Variants in ACSL1 observed in about 807,000 individuals in gnomAD.
ACSL1 encodes long-chain-fatty-acid--CoA ligase 1.
Under a neutral mutation model 98.4 loss-of-function variants are expected in ACSL1, and 41 were observed. The observed-to-expected ratio is 0.42, with a 90% CI of 0.32 to 0.54. The LOEUF (loss-of-function observed/expected upper bound fraction) is 0.54, where lower values mean the gene tolerates loss of function less well. Among genes scored for constraint, ACSL1 ranks in the 20% least tolerant of loss-of-function variants. The pLI is 0.13. For synonymous variants in ACSL1, 316 were observed against 322.7 expected (o/e 0.98, Z 0.22); for missense variants, 734 against 883.1 (o/e 0.83, Z 2.14).
intron 2 of ACSL1, among the ~76,000 whole-genome samples, chr4:184,788,972 C>T (rs953069629): frequency 1.3e-5 from 2 of 152,086 alleles, no homozygotes; most frequent in Non-Finnish European, 1.5e-5. Context: ...GTCCTGAACT[C>T]GTTCCTATTA....
intron 3 of ACSL1, among the ~76,000 whole-genome samples, chr4:184,786,051 C>A (rs909246762): frequency 1.3e-5 from 2 of 152,106 alleles, no homozygotes; most frequent in African/African-American, 4.8e-5. Context: ...AGTCTCCCTA[C>A]GATGGGAGGG....
intron 2 of ACSL1, among the ~76,000 whole-genome samples, chr4:184,793,079 A>G (rs1304400268): frequency 6.6e-6 from 1 of 152,186 alleles, no homozygotes; most frequent in African/African-American, 2.4e-5. Flanking sequence ...CAAAGCAGAC[A>G]ACCCCAGCTG....
chr4:184,811,329 G>A (rs972866585), intron 1 of ACSL1, among the ~76,000 whole-genome samples: 5 of 151,946 alleles, frequency 3.3e-5, no homozygotes, highest in African/African-American at 7.3e-5. Flanking sequence ...GGCCAGGATG[G>A]TCTCGATCTC....
At chr4:184,814,884 C>T (rs1173878995) in intron 1 of ACSL1, 1 of 376,986 alleles carries the variant, frequency 2.7e-6, no homozygotes, top group East Asian at 7.3e-5. Context: ...TTTCGTGCCT[C>T]TTTGAAAAAG....
At chr4:184,767,353 C>T (rs1234419083) in intron 12 of ACSL1, among the ~76,000 whole-genome samples, 3 of 151,718 alleles carry the variant, frequency 2.0e-5, no homozygotes, top group African/African-American at 2.4e-5. Context: ...ACTATTTGGC[C>T]GTTAAAAGGA....
chr4:184,793,667 T>A (rs545917778), intron 2 of ACSL1, among the ~76,000 whole-genome samples: 9 of 150,774 alleles, frequency 6.0e-5, no homozygotes, highest in African/African-American at 1.5e-4. Flanking sequence ...GAAGGGAGAG[T>A]GAGAGAGAGG....
At chr4:184,780,501 G>A (rs374240408) in intron 4 of ACSL1, 68 bp from the exon 5 acceptor site, 11 of 1,188,636 alleles carry the variant, frequency 9.3e-6, no homozygotes, top group Middle Eastern at 2.0e-4. Flanking sequence ...CTGACCAGAC[G>A]GCAGGCTTGT....
At position 184,825,771 on chromosome 4, in the gene ACSL1, C is replaced by T. The variant is rs1201492593; in HGVS notation, c.-33+145G>A. 2.0e-5 allele frequency: 3 copies of T among 149,702 alleles called. No homozygotes were observed. Among genetic ancestry groups the T allele is most frequent in the Non-Finnish European group, 3.0e-5 (2 of 67,036 alleles). The allele number at this position is 149,702 out of a possible 1,614,324, so 9.3% of individuals were successfully genotyped here. Reference sequence around the variant, plus strand: ...CAGGAGGCCGGAAAGGCGGCGCGGCCCCACGAGCCTGGGGTGGCTCACGCG... The same window carrying T: ...CAGGAGGCCGGAAAGGCGGCGCGGCTCCACGAGCCTGGGGTGGCTCACGCG... On this transcript the variant is annotated intron_variant, in intron 1 of 20. Transcript: ENST00000281455. The surrounding 1 kb of genome is among the most constrained non-coding windows in gnomAD (Gnocchi z 4.7).
rs1294796507 is a variant in ACSL1 at position 184,825,365 on chromosome 4, T to C, written c.-33+551A>G. On this transcript the variant is annotated intron_variant, in intron 1 of 20. Coordinates refer to ENST00000281455, the MANE Select transcript of ACSL1 (RefSeq NM_001995.5). The surrounding 1 kb of genome is among the most constrained non-coding windows in gnomAD (Gnocchi z 4.7). ...CTCCTCTGGAGTCACCGAGAGAATG[T>C]CTGCCTCTGGCAGCGGCCTCTGAGC... 2 of 520,284 alleles carry C rather than the reference T, an allele frequency of 3.8e-6. No individual in the cohort carries two copies. Among genetic ancestry groups the C allele is most frequent in the Admixed American group, 6.4e-5 (1 of 15,692 alleles). The allele number at this position is 520,284 out of a possible 1,614,324, so 32.2% of individuals were successfully genotyped here. A position where few individuals can be genotyped will look rare whatever the true frequency, so the allele number is the denominator to read the frequency against.
intron 1 of ACSL1, among the ~76,000 whole-genome samples, chr4:184,813,040 A>G (rs1236228198): frequency 6.6e-6 from 1 of 152,150 alleles, no homozygotes; most frequent in African/African-American, 2.4e-5. Context: ...AAACAAAACA[A>G]AACAAAACAA....
intron 5 of ACSL1, among the ~76,000 whole-genome samples, chr4:184,779,583 T>C (rs1765887920): frequency 1.3e-5 from 2 of 152,194 alleles, no homozygotes; most frequent in South Asian, 2.1e-4. Context: ...CCATCACCCA[T>C]GGTATTTTAA....
At chr4:184,799,363 C>T (rs540809702) in intron 2 of ACSL1, among the ~76,000 whole-genome samples, 2 of 152,238 alleles carry the variant, frequency 1.3e-5, no homozygotes, top group South Asian at 4.1e-4. Context: ...GTGATCCATC[C>T]ACCTTGGCCT....
intron 1 of ACSL1, among the ~76,000 whole-genome samples, chr4:184,806,965 G>A (rs1771506918): frequency 6.6e-6 from 1 of 152,192 alleles, no homozygotes; most frequent in South Asian, 2.1e-4. Flanking sequence ...TATGTGTGAA[G>A]AACAACTCTT....
At chr4:184,805,676 G>T in intron 1 of ACSL1, 1 of 191,630 alleles carries the variant, frequency 5.2e-6, no homozygotes. Context: ...CACATGCCGA[G>T]CCCCACGCTG....
At position 184,773,028 on chromosome 4, in the gene ACSL1, T is replaced by G; in HGVS notation, c.915+53A>C. 6.4e-7 allele frequency: 1 copy of G among 1,557,110 alleles called. No individual in the cohort carries two copies. The highest frequency in any genetic ancestry group is 8.9e-7 in the Non-Finnish European group (1 of 1,129,940). ...GTGCCCACCTTCAGCACTTTCATTCTCAAGGACTAATGTCAATCAATGAGG... is the reference window on the plus strand; with the variant it reads ...GTGCCCACCTTCAGCACTTTCATTCGCAAGGACTAATGTCAATCAATGAGG... On this transcript the variant is annotated intron_variant, in intron 10 of 20. Transcript: ENST00000281455. The surrounding 1 kb of genome is among the most constrained non-coding windows in gnomAD (Gnocchi z 4.3).
chr4:184,787,639 G>A (rs1483854840), intron 3 of ACSL1, among the ~76,000 whole-genome samples: 2 of 152,090 alleles, frequency 1.3e-5, no homozygotes, highest in African/African-American at 4.8e-5. Flanking sequence ...CGAGGTGGGT[G>A]GATCACCTGA....
intron 17 of ACSL1, 120 bp from the exon 18 acceptor site, chr4:184,760,620 CCA>C: frequency 7.3e-7 from 1 of 1,368,546 alleles, no homozygotes; most frequent in Admixed American, 2.0e-5. Flanking sequence ...TAATAACATC[CCA>C]CAGAGGTCAG....
At chr4:184,780,100 G>A (rs1286362482) in intron 5 of ACSL1, among the ~76,000 whole-genome samples, 4 of 152,132 alleles carry the variant, frequency 2.6e-5, no homozygotes, top group Non-Finnish European at 5.9e-5. Context: ...TGGAACTCCC[G>A]ACCTCTGGTG....
intron 5 of ACSL1, among the ~76,000 whole-genome samples, chr4:184,777,947 G>A (rs1198497301): frequency 1.3e-5 from 2 of 152,206 alleles, no homozygotes; most frequent in East Asian, 3.8e-4. Context: ...CGGCTGTGGG[G>A]CTCAAGGAAG....
Sources: gnomAD v4.1 joint callset for allele counts (sites outside exome capture counted in the v4.1 genomes callset) on GRCh38, gnomAD v4.1.1 for gene constraint, Gnocchi (gnomAD v3.1) non-coding constraint, MANE v1.5 for transcripts, NCBI Gene and HGNC (gene_info 2026-07-23, HGNC 2026-07-21) for gene names.